The following PPP3CA variants were observed in gnomAD, a reference collection of about 807,000 sequenced individuals.
PPP3CA encodes protein phosphatase 3 catalytic subunit alpha, also known as CAM-PRP catalytic subunit.
In PPP3CA, 14 loss-of-function variants were observed where a neutral mutation model predicts 66.5. That is an observed-to-expected ratio of 0.21 (90% CI 0.14 to 0.33). The LOEUF is 0.33. PPP3CA is among the 10% of genes least tolerant of loss of function. PPP3CA has a pLI of 1.00. For synonymous variants in PPP3CA, 232 were observed against 226.2 expected, an observed-to-expected ratio of 1.03 and a Z score of -0.23; for missense variants, 317 against 639.5, an observed-to-expected ratio of 0.50 and a Z score of 5.44.
At chr4:101,210,238 A>T (rs141211730) in intron 1 of PPP3CA, among the ~76,000 whole-genome samples, 4 of 152,222 alleles carry the variant, frequency 2.6e-5, no homozygotes, top group Non-Finnish European at 4.4e-5. Flanking sequence ...ATCTCACCTT[A>T]ATCCACCTGA....
At chr4:101,029,365 A>G (rs1315846007) in intron 12 of PPP3CA, among the ~76,000 whole-genome samples, 170 bp from the exon 13 acceptor site, 3 of 104,378 alleles carry the variant, frequency 2.9e-5, no homozygotes, top group Non-Finnish European at 4.6e-5. Context: ...AAAAAAAAAA[A>G]AAAAAAAGAA....
chr4:101,219,552 T>G (rs1237293994), intron 1 of PPP3CA, among the ~76,000 whole-genome samples: 1 of 151,880 alleles, frequency 6.6e-6, no homozygotes, highest in African/African-American at 2.4e-5. Flanking sequence ...CAAGAAAATG[T>G]CACTTGTAAT....
intron 2 of PPP3CA, among the ~76,000 whole-genome samples, chr4:101,169,859 G>T (rs1723817994): frequency 6.6e-6 from 1 of 152,014 alleles, no homozygotes. Flanking sequence ...AAGACATGTT[G>T]GTGATTTTTA....
chr4:101,084,285 A>G (rs1025974125), intron 6 of PPP3CA, among the ~76,000 whole-genome samples: 14 of 152,208 alleles, frequency 9.2e-5, no homozygotes, highest in African/African-American at 3.4e-4. Flanking sequence ...AAGAAAAGAT[A>G]GTTTCTGTGT....
In PPP3CA at chr4:101,216,831, G is replaced by A. The variant is rs12646536; in HGVS notation, c.59-20715C>T. Among the ~76,000 whole-genome samples the A allele has an allele frequency of 7.1e-4, 108 of 152,162 alleles. 1 individual carries two copies. The East Asian group carries it at 0.017, about 24-fold the overall frequency. The stretch of plus-strand genomic sequence containing the variant: ...CTCCCAAAATACTCAGATTACAGGC[G>A]TGAGCCACCATACCTGGCCAGCCCC... On this transcript the variant is annotated intron_variant, in intron 1 of 13. Coordinates refer to ENST00000394854, the MANE Select transcript of PPP3CA (RefSeq NM_000944.5).
intron 1 of PPP3CA, among the ~76,000 whole-genome samples, chr4:101,299,990 A>G (rs957349659): frequency 2.0e-5 from 3 of 152,202 alleles, no homozygotes; most frequent in Non-Finnish European, 2.9e-5. Context: ...ATCTCTTAAA[A>G]GCATAAAAAT....
chr4:101,171,640 T>G lies in PPP3CA; in HGVS notation c.259+24276A>C, dbSNP rs540258055. Among the ~76,000 whole-genome samples, 3 of 152,272 alleles carry G rather than the reference T, an allele frequency of 2.0e-5. No homozygotes were observed. In the South Asian group the frequency reaches 6.2e-4, roughly 32 times the overall value. On this transcript the variant is annotated intron_variant, in intron 2 of 13. Coordinates refer to ENST00000394854, the MANE Select transcript of PPP3CA (RefSeq NM_000944.5). ...AAGCCCAGTAGGCATAAGGCTGGAT[T>G]ATGAACCCTGGCATAACTCTAGAGT...
intron 1 of PPP3CA, among the ~76,000 whole-genome samples, chr4:101,269,743 T>A (rs1280216754): frequency 6.6e-6 from 1 of 152,142 alleles, no homozygotes; most frequent in East Asian, 1.9e-4. Context: ...ACTGCTGGCA[T>A]AATTACCCAC....
chr4:101,146,891 A>T (rs919760680), intron 2 of PPP3CA, among the ~76,000 whole-genome samples: 23 of 152,230 alleles, frequency 1.5e-4, no homozygotes, highest in Non-Finnish European at 3.1e-4. Context: ...TTGGTTCAGC[A>T]GCCCTAAGCA....
At chr4:101,323,738 T>C (rs1452873339) in intron 1 of PPP3CA, among the ~76,000 whole-genome samples, 1 of 152,216 alleles carries the variant, frequency 6.6e-6, no homozygotes, top group Non-Finnish European at 1.5e-5. Flanking sequence ...ACCTTCTAAC[T>C]ACTGTATGCA....
chr4:101,207,080 T>C (rs1725153722), intron 1 of PPP3CA, among the ~76,000 whole-genome samples: 1 of 152,144 alleles, frequency 6.6e-6, no homozygotes, highest in African/African-American at 2.4e-5. Flanking sequence ...AAAAACTAAA[T>C]GATTTTCATC....
intron 1 of PPP3CA, among the ~76,000 whole-genome samples, chr4:101,245,042 G>A (rs1448259478): frequency 6.6e-6 from 1 of 152,084 alleles, no homozygotes; most frequent in Non-Finnish European, 1.5e-5. Context: ...GAAATCTTGT[G>A]AAATTTAATG....
intron 1 of PPP3CA, among the ~76,000 whole-genome samples, chr4:101,315,608 G>A (rs1361392067): frequency 1.3e-5 from 2 of 152,186 alleles, no homozygotes; most frequent in Non-Finnish European, 2.9e-5. Flanking sequence ...ACTGAGAATG[G>A]TATCTGCTAG....
chr4:101,258,711 C>T (rs1239057032), intron 1 of PPP3CA, among the ~76,000 whole-genome samples: 1 of 152,054 alleles, frequency 6.6e-6, no homozygotes, highest in African/African-American at 2.4e-5. Flanking sequence ...TTGAGACTTC[C>T]TTTGCTAAAA....
rs545785974 is a variant in PPP3CA, at chr4:101,135,835, T to C, written c.260-26757A>G. ...TCCTGTTTTTACTTTCATTTTCTTC[T>C]TTCTGATTAATTATTCTCTCCACTC... On this transcript the variant is annotated intron_variant, in intron 2 of 13. Transcript: ENST00000394854. 2.6e-5 allele frequency among the ~76,000 whole-genome samples: 4 copies of C among 152,308 alleles called. No individual in the cohort carries two copies. The South Asian group carries it at 8.3e-4, about 32-fold the overall frequency.
At chr4:101,299,106 G>GTTTT (rs556244769) in intron 1 of PPP3CA, among the ~76,000 whole-genome samples, 4 of 85,554 alleles carry the variant, frequency 4.7e-5, no homozygotes, top group African/African-American at 1.7e-4. Flanking sequence ...GCCATATATC[G>GTTTT]TTTTTTTTTT....
At chr4:101,090,833 GAC>G (rs1729888146) in intron 6 of PPP3CA, among the ~76,000 whole-genome samples, 1 of 146,534 alleles carries the variant, frequency 6.8e-6, no homozygotes, top group African/African-American at 2.5e-5. Flanking sequence ...GTAATATATA[GAC>G]ATATCTGTGT....
chr4:101,244,609 C>T (rs1726417611), intron 1 of PPP3CA, among the ~76,000 whole-genome samples: 4 of 152,172 alleles, frequency 2.6e-5, no homozygotes, highest in Non-Finnish European at 5.9e-5. Context: ...ACAAGAGACG[C>T]CTACAGCTCA....
At chr4:101,145,898 T>A (rs1277545305) in intron 2 of PPP3CA, among the ~76,000 whole-genome samples, 2 of 152,158 alleles carry the variant, frequency 1.3e-5, no homozygotes, top group African/African-American at 4.8e-5. Context: ...AAGCATTTTG[T>A]TCATAACCTA....
Sources: gnomAD v4.1 joint callset for allele counts (sites outside exome capture counted in the v4.1 genomes callset) on GRCh38, gnomAD v4.1.1 for gene constraint, MANE v1.5 for transcripts, NCBI Gene and HGNC (gene_info 2026-07-23, HGNC 2026-07-21) for gene names.